PTP4A2: variants seen among roughly 807,000 people sequenced by gnomAD.
The protein encoded by PTP4A2 is protein tyrosine phosphatase type IVA 2.
PTP4A2 carries 2 observed loss-of-function variants against 22.9 expected under a neutral mutation model. That is an observed-to-expected ratio of 0.09 (90% CI 0.04 to 0.27). PTP4A2 has a LOEUF of 0.27. PTP4A2 is among the 10% of genes least tolerant of loss of function. PTP4A2 has a pLI of 1.00. For missense variants in PTP4A2, 103 were observed against 205.1 expected, an observed-to-expected ratio of 0.50 and a Z score of 3.04; for synonymous variants, 68 against 69.1, an observed-to-expected ratio of 0.98 and a Z score of 0.08.
rs78314699 is a variant in PTP4A2, at chr1:31,914,388, C to T, written c.189+1507G>A. ...CCCTAAAACACATTTTTTTAAAACA[C>T]ATTTGGCTATTTAGTTTTTATTTTC... is the stretch of plus-strand genomic sequence containing the variant. On this transcript the variant is annotated intron_variant, in intron 3 of 5. Transcript: ENST00000647444. The T allele has an allele frequency of 6.8e-3, 2,708 of 398,576 alleles. 57 individuals are homozygous for T. Among genetic ancestry groups the T allele is most frequent in the African/African-American group, 0.045 (2,169 of 47,866 alleles). The allele number at this position is 398,576 out of a possible 1,614,324, so 24.7% of individuals were successfully genotyped here.
chr1:31,928,216 T>C (rs1055936190), intron 1 of PTP4A2, among the ~76,000 whole-genome samples: 2 of 139,368 alleles, frequency 1.4e-5, no homozygotes, highest in African/African-American at 5.3e-5. Context: ...TTATAATATA[T>C]AAATATAATA....
In PTP4A2 at chr1:31,910,100, C is replaced by G; in HGVS notation, c.333G>C (p.Leu111=). The part of the protein sequence containing the change: ...CVAGLGRAPV[L]VALALIECGM... ...CACATTCAATCAAAGCAAGTGCAAC[C>G]AGCACAGGTGCCCTGCAGAAAGAAA... is the stretch of plus-strand genomic sequence containing the variant. The change falls in exon 5 of 6, where the codon CTG becomes CTC. Residue 111 remains leucine, a synonymous_variant. Coordinates refer to ENST00000647444, the MANE Select transcript of PTP4A2 (RefSeq NM_080391.4). The G allele has an allele frequency of 1.9e-6, 3 of 1,613,354 alleles. No homozygotes were observed. The highest frequency in any genetic ancestry group is 2.5e-6 in the Non-Finnish European group (3 of 1,179,776).
chr1:31,934,673 T>G (rs1351085700), intron 1 of PTP4A2, among the ~76,000 whole-genome samples: 23 of 152,106 alleles, frequency 1.5e-4, no homozygotes, highest in Admixed American at 1.5e-3. Context: ...TAAAGAAAAA[T>G]AAATCCAATT....
intron 3 of PTP4A2, among the ~76,000 whole-genome samples, chr1:31,912,568 G>A (rs1301587735): frequency 1.3e-5 from 2 of 152,134 alleles, no homozygotes; most frequent in African/African-American, 2.4e-5. Context: ...AGCATTCACA[G>A]TATAGGCAGG....
rs1651293870 is a variant in PTP4A2, at chr1:31,908,135, TTATA to T, written c.*713_*716del. 1 of 3,968 alleles carries T rather than the reference TTATA, an allele frequency of 2.5e-4. No individual in the cohort carries two copies. The highest frequency in any genetic ancestry group is 4.1e-4 in the Non-Finnish European group (1 of 2,434). The allele number at this position is 3,968 out of a possible 1,614,324, so 0.2% of individuals were successfully genotyped here. A position where few individuals can be genotyped will look rare whatever the true frequency, so the allele number is the denominator to read the frequency against. ...GAAAATATATATATATATATATATATTATATTATATATATATATATATATATATA... is the reference window on the plus strand; with the variant it reads ...GAAAATATATATATATATATATATATTTATATATATATATATATATATATA... On this transcript the variant is annotated 3_prime_UTR_variant, in exon 6 of 6. Coordinates refer to ENST00000647444, the MANE Select transcript of PTP4A2 (RefSeq NM_080391.4).
intron 1 of PTP4A2, chr1:31,933,763 TATAA>T (rs879582190): frequency 4.6e-5 from 7 of 152,078 alleles, no homozygotes; most frequent in Non-Finnish European, 7.4e-5. Context: ...ACAATCAATC[TATAA>T]ATAAATTTCC....
At position 31,926,149 on chromosome 1, in the gene PTP4A2, A is replaced by AAAAAATATATATATAT. The variant is rs59088489; in HGVS notation, c.-593-6492_-593-6491insATATATATATATTTTT. On this transcript the variant is annotated intron_variant, in intron 1 of 5. Transcript: ENST00000647444. Reference sequence around the variant, plus strand: ...TTTCAAAAAATTAAAAAAAAAAAAAAATATATATATATATATATATTTATC... The same window carrying AAAAAATATATATATAT: ...TTTCAAAAAATTAAAAAAAAAAAAAAAAAAATATATATATATATATATATATATATATATATTTATC... Among the ~76,000 whole-genome samples, 24 of 131,346 alleles carry AAAAAATATATATATAT rather than the reference A, an allele frequency of 1.8e-4. 1 individual carries two copies. Among genetic ancestry groups the AAAAAATATATATATAT allele is most frequent in the South Asian group, 9.6e-4 (4 of 4,174 alleles). 86.2% of individuals were successfully genotyped at this position (131,346 alleles called of 152,430 possible). A position where few individuals can be genotyped will look rare whatever the true frequency, so the allele number is the denominator to read the frequency against.
chr1:31,914,278 C>T, intron 3 of PTP4A2: 1 of 455,842 alleles, frequency 2.2e-6, no homozygotes, highest in South Asian at 1.6e-5. Flanking sequence ...TGTTGCCCCA[C>T]TAGTCTTGGA....
intron 1 of PTP4A2, among the ~76,000 whole-genome samples, chr1:31,931,642 A>G (rs1652732748): frequency 6.6e-6 from 1 of 152,212 alleles, no homozygotes; most frequent in Non-Finnish European, 1.5e-5. Flanking sequence ...TGAAGATCCA[A>G]TCTAAGAAAA....
intron 5 of PTP4A2, among the ~76,000 whole-genome samples, chr1:31,909,704 T>C (rs1651433110): frequency 6.6e-6 from 1 of 151,552 alleles, no homozygotes; most frequent in African/African-American, 2.4e-5. Context: ...GGTGATTAAC[T>C]GCTCCTCTAC....
chr1:31,927,787 A>G (rs1652534829), intron 1 of PTP4A2, among the ~76,000 whole-genome samples: 1 of 152,196 alleles, frequency 6.6e-6, no homozygotes, highest in African/African-American at 2.4e-5. Flanking sequence ...GTGGAGTCCA[A>G]CTTAATATTC....
chr1:31,908,682 G>A lies in PTP4A2; in HGVS notation c.*170C>T, dbSNP rs1215390643. 2 of 425,932 alleles carry A rather than the reference G, an allele frequency of 4.7e-6. No individual in the cohort carries two copies. The highest frequency in any genetic ancestry group is 4.1e-5 in the African/African-American group (2 of 48,750). The allele number at this position is 425,932 out of a possible 1,614,324, so 26.4% of individuals were successfully genotyped here. A position where few individuals can be genotyped will look rare whatever the true frequency, so the allele number is the denominator to read the frequency against. ...TCTTAAACATTTTATTCATTTTATA[G>A]AGAGATTTCTTTTTTGTTTGCTTTT... On this transcript the variant is annotated 3_prime_UTR_variant, in exon 6 of 6. Coordinates refer to ENST00000647444, the MANE Select transcript of PTP4A2 (RefSeq NM_080391.4).
At chr1:31,909,008 C>CT in intron 5 of PTP4A2, 48 bp from the exon 6 acceptor site, 1 of 1,335,124 alleles carries the variant, frequency 7.5e-7, no homozygotes, top group Non-Finnish European at 1.1e-6. Flanking sequence ...AAAGAGCTGT[C>CT]TGATTCACTG....
chr1:31,911,977 T>C (rs1651558941), intron 3 of PTP4A2, 151 bp from the exon 4 acceptor site: 1 of 475,398 alleles, frequency 2.1e-6, no homozygotes, highest in Non-Finnish European at 3.6e-6. Context: ...ATCATTGCTG[T>C]AAAATGATCC....
intron 1 of PTP4A2, among the ~76,000 whole-genome samples, chr1:31,923,404 G>T (rs1425477428): frequency 5.2e-5 from 7 of 135,082 alleles, no homozygotes; most frequent in African/African-American, 1.7e-4. Context: ...GCGCGATCTC[G>T]GCTCACTGCA....
intron 5 of PTP4A2, 31 bp downstream of exon 5, chr1:31,910,007 G>A (rs1414099434): frequency 3.9e-6 from 6 of 1,540,536 alleles, no homozygotes; most frequent in Non-Finnish European, 3.6e-6. Context: ...CTTGCTTTCT[G>A]TGTTTCTGAA....
chr1:31,928,582 C>A (rs546753529), intron 1 of PTP4A2, among the ~76,000 whole-genome samples: 63 of 151,556 alleles, frequency 4.2e-4, no homozygotes, highest in African/African-American at 1.5e-3. Flanking sequence ...TGGCTGTAGT[C>A]CCAGCTCAGG....
At chr1:31,937,142 CA>C (rs1652969335) in intron 1 of PTP4A2, among the ~76,000 whole-genome samples, 1 of 152,080 alleles carries the variant, frequency 6.6e-6, no homozygotes, top group South Asian at 2.1e-4. Flanking sequence ...CGTTAGCTCT[CA>C]GGGGCCCCAG....
intron 1 of PTP4A2, chr1:31,932,563 T>A (rs2124268792): frequency 6.6e-6 from 1 of 152,280 alleles, no homozygotes. Flanking sequence ...ATAAAAAATA[T>A]CTGTATAATC....
Sources: allele counts gnomAD v4.1 joint callset (sites outside exome capture counted in the v4.1 genomes callset), GRCh38; gene constraint gnomAD v4.1.1; transcripts MANE v1.5; gene names NCBI Gene and HGNC (gene_info 2026-07-23, HGNC 2026-07-21).